Variants in TRMT9B observed in about 807,000 individuals in gnomAD.
TRMT9B encodes the protein probable tRNA methyltransferase 9B.
TRMT9B carries 16 observed loss-of-function variants against 11.5 expected under a neutral mutation model. The observed-to-expected ratio is 1.39, with a 90% CI of 0.94 to 2.11. TRMT9B has a LOEUF of 2.11. TRMT9B is among the 30% of genes most tolerant of loss of function. TRMT9B has a pLI of 0.00. For missense variants in TRMT9B, 941 were observed against 553.8 expected (o/e 1.70, Z -7.02); for synonymous variants, 274 against 192.4 (o/e 1.42, Z -3.51).
intron 2 of TRMT9B, among the ~76,000 whole-genome samples, chr8:12,991,686 A>G (rs1807361554): frequency 6.6e-6 from 1 of 152,128 alleles, no homozygotes; most frequent in Non-Finnish European, 1.5e-5. Flanking sequence ...TAATTCCAGC[A>G]CTTTGGGAGG....
chr8:13,027,559 C>T lies in TRMT9B; in HGVS notation c.*5515C>T, dbSNP rs200361206. 41 of 167,178 alleles carry T rather than the reference C, an allele frequency of 2.5e-4. 1 individual carries two copies. Among genetic ancestry groups the T allele is most frequent in the African/African-American group, 9.9e-4 (41 of 41,590 alleles). 10.4% of individuals were successfully genotyped at this position (167,178 alleles called of 1,614,324 possible). On this transcript the variant is annotated 3_prime_UTR_variant, in exon 5 of 5. Coordinates refer to ENST00000524591, the MANE Select transcript of TRMT9B (RefSeq NM_020844.3). ...CTGAATTATTTTTCAGTCTCATTTC[C>T]TGCAGTTGCACCCGATTTTTTCTGT...
intron 1 of TRMT9B, among the ~76,000 whole-genome samples, chr8:12,980,006 A>T (rs1481454780): frequency 6.6e-6 from 1 of 152,152 alleles, no homozygotes; most frequent in Non-Finnish European, 1.5e-5. Context: ...CCCGTTTTGC[A>T]TTCAGAGTCC....
intron 2 of TRMT9B, among the ~76,000 whole-genome samples, chr8:13,001,574 C>T (rs562166933): frequency 1.8e-4 from 27 of 152,260 alleles, no homozygotes; most frequent in African/African-American, 6.5e-4. Context: ...AATTGGAAAA[C>T]ACTAAATTAA....
intron 1 of TRMT9B, among the ~76,000 whole-genome samples, chr8:12,967,623 C>A (rs777463886): frequency 6.6e-6 from 1 of 152,168 alleles, no homozygotes; most frequent in Admixed American, 6.5e-5. Context: ...TAAAGCAGCT[C>A]ATTAACAATG....
rs1814213634 is a variant in TRMT9B, at chr8:13,023,098, C to T, written c.*1054C>T. 1.2e-5 allele frequency: 2 copies of T among 167,052 alleles called. No individual in the cohort carries two copies. The allele number at this position is 167,052 out of a possible 1,614,324, so 10.3% of individuals were successfully genotyped here. On this transcript the variant is annotated 3_prime_UTR_variant, in exon 5 of 5. Coordinates refer to ENST00000524591, the MANE Select transcript of TRMT9B (RefSeq NM_020844.3). ...GGTATTCTTCCAATCTTATTAGAAG[C>T]ATGAATATTCAAGATTGATATTACT...
intron 3 of TRMT9B, among the ~76,000 whole-genome samples, chr8:13,008,213 T>C (rs1236649555): frequency 2.6e-5 from 4 of 152,206 alleles, no homozygotes; most frequent in African/African-American, 9.6e-5. Context: ...TATAACTCTT[T>C]CGTGAACAAA....
intron 4 of TRMT9B, 48 bp downstream of exon 4, chr8:13,012,905 A>G: frequency 6.3e-7 from 1 of 1,597,916 alleles, no homozygotes; most frequent in Non-Finnish European, 8.5e-7. Context: ...AGAATAATTG[A>G]CCCGGTTTAG....
intron 2 of TRMT9B, among the ~76,000 whole-genome samples, chr8:12,993,289 T>G (rs1220283201): frequency 2.6e-5 from 4 of 152,082 alleles, no homozygotes; most frequent in Non-Finnish European, 5.9e-5. Flanking sequence ...TATAGAAAAA[T>G]TAACCCTGCA....
intron 3 of TRMT9B, chr8:13,006,615 GA>G: frequency 7.2e-7 from 1 of 1,381,176 alleles, no homozygotes; most frequent in Non-Finnish European, 9.3e-7. Flanking sequence ...TTTTACAGCA[GA>G]AACTCGAGAC....
At chr8:12,952,441 C>G (rs2128856909) in intron 1 of TRMT9B, 4 of 294,938 alleles carry the variant, frequency 1.4e-5, no homozygotes, top group South Asian at 1.0e-4. Context: ...ACGATCAAAA[C>G]AGGCGAGACA....
intron 4 of TRMT9B, among the ~76,000 whole-genome samples, chr8:13,017,752 C>T (rs555514814): frequency 6.6e-6 from 1 of 151,276 alleles, no homozygotes; most frequent in Non-Finnish European, 1.5e-5. Flanking sequence ...TAACTTGGAC[C>T]ATAGACACAC....
rs184611465 is a variant in TRMT9B, at chr8:12,945,710, A to G, written c.-456A>G. 6.6e-6 allele frequency: 1 copy of G among 152,334 alleles called. No homozygotes were observed. The highest frequency in any genetic ancestry group is 2.4e-5 in the African/African-American group (1 of 41,582). The allele number at this position is 152,334 out of a possible 1,614,324, so 9.4% of individuals were successfully genotyped here. A position where few individuals can be genotyped will look rare whatever the true frequency, so the allele number is the denominator to read the frequency against. On this transcript the variant is annotated 5_prime_UTR_variant, in exon 1 of 5. Transcript: ENST00000524591. ...GTAGTACAGAAAAGATCACACATGT[A>G]TATGTCAGAAGTAGATGCACATGTT...
intron 3 of TRMT9B, among the ~76,000 whole-genome samples, chr8:13,009,223 TA>T: frequency 6.6e-6 from 1 of 152,142 alleles, no homozygotes; most frequent in South Asian, 2.1e-4. Context: ...AAGGAGAGAT[TA>T]AAATGGTGGT....
At chr8:12,953,516 A>T (rs991146271) in intron 1 of TRMT9B, among the ~76,000 whole-genome samples, 1 of 151,900 alleles carries the variant, frequency 6.6e-6, no homozygotes, top group African/African-American at 2.4e-5. Flanking sequence ...TGCCCAGCTA[A>T]TTTTTTTGTG....
In TRMT9B at chr8:13,006,248, G is replaced by A; in HGVS notation, c.46G>A (p.Val16Met). 1 of 1,614,006 alleles carries A rather than the reference G, an allele frequency of 6.2e-7. No homozygotes were observed. Among genetic ancestry groups the A allele is most frequent in the Non-Finnish European group, 8.5e-7 (1 of 1,179,886 alleles). ...GCTGGAGAAGCAGCATGTGCACAAT[G>A]TGTACGAGAGCACAGCCCCTTACTT... ...AQLEKQHVHN[V>M]YESTAPYFSD... Residue 16 changes from valine (V) to methionine (M), a missense_variant, in exon 3 of 5, where the codon GTG becomes ATG. Val to Met is a conservative substitution (Grantham distance 21, BLOSUM62 1). Coordinates refer to ENST00000524591, the MANE Select transcript of TRMT9B (RefSeq NM_020844.3).
intron 1 of TRMT9B, among the ~76,000 whole-genome samples, chr8:12,977,632 C>G (rs1804668248): frequency 6.6e-6 from 1 of 152,042 alleles, no homozygotes; most frequent in Non-Finnish European, 1.5e-5. Context: ...ACACGGGAGG[C>G]AGAGGTTGCA....
At chr8:13,008,730 A>T (rs1376336738) in intron 3 of TRMT9B, among the ~76,000 whole-genome samples, 3 of 151,552 alleles carry the variant, frequency 2.0e-5, no homozygotes, top group Non-Finnish European at 2.9e-5. Flanking sequence ...AATCTAGATA[A>T]TTTTTTTTTC....
At chr8:12,998,686 C>A (rs907559221) in intron 2 of TRMT9B, among the ~76,000 whole-genome samples, 3 of 152,318 alleles carry the variant, frequency 2.0e-5, no homozygotes, top group Middle Eastern at 3.4e-3. Flanking sequence ...CAAAACAAAG[C>A]CTTCTTTCTC....
chr8:12,998,581 C>G (rs1329469177), intron 2 of TRMT9B, among the ~76,000 whole-genome samples: 2 of 152,204 alleles, frequency 1.3e-5, no homozygotes, highest in Non-Finnish European at 2.9e-5. Context: ...GGCCTCTGTG[C>G]TAACTTCTTA....
Sources: allele counts gnomAD v4.1 joint callset (sites outside exome capture counted in the v4.1 genomes callset), GRCh38; gene constraint gnomAD v4.1.1; transcripts MANE v1.5; gene names NCBI Gene and HGNC (gene_info 2026-07-23, HGNC 2026-07-21).